GIPC2: variants seen among roughly 807,000 people sequenced by gnomAD.
GIPC2 encodes the protein PDZ domain-containing protein GIPC2.
In GIPC2, 30 loss-of-function variants were observed where a neutral mutation model predicts 30.6. That is an observed-to-expected ratio of 0.98 (90% CI 0.73 to 1.33). The LOEUF (loss-of-function observed/expected upper bound fraction) is 1.33, where lower values mean the gene tolerates loss of function less well. GIPC2 is among the 40% of genes most tolerant of loss of function. The pLI, the probability that GIPC2 is intolerant of heterozygous loss-of-function variation, is 0.00. For missense variants in GIPC2, 414 were observed against 390.3 expected (o/e 1.06, Z -0.51); for synonymous variants, 167 against 150.0 (o/e 1.11, Z -0.83).
intron 1 of GIPC2, among the ~76,000 whole-genome samples, chr1:78,063,110 AAT>A (rs919420201): frequency 2.6e-5 from 4 of 152,214 alleles, no homozygotes; most frequent in African/African-American, 9.6e-5. Context: ...GATTTTAAAC[AAT>A]GTTTTCTACC....
chr1:78,122,712 A>C (rs1422212672), intron 4 of GIPC2, among the ~76,000 whole-genome samples: 1 of 152,242 alleles, frequency 6.6e-6, no homozygotes, highest in Non-Finnish European at 1.5e-5. Flanking sequence ...TTGGGTGGGC[A>C]CACAGAGCCA....
At chr1:78,046,368 T>TCCGCCGCGCCGCGCC in intron 1 of GIPC2, 34 bp downstream of exon 1, 2 of 1,557,742 alleles carry the variant, frequency 1.3e-6, no homozygotes, top group Non-Finnish European at 1.8e-6. Context: ...CTCCCGCCTC[T>TCCGCCGCGCCGCGCC]CCGCCGCGCC....
At chr1:78,106,378 T>C (rs1251380352) in intron 3 of GIPC2, among the ~76,000 whole-genome samples, 1 of 151,786 alleles carries the variant, frequency 6.6e-6, no homozygotes, top group Non-Finnish European at 1.5e-5. Flanking sequence ...GCGAACACTG[T>C]TAAACACCAT....
At position 78,045,985 on chromosome 1, in the gene GIPC2, A is replaced by G; in HGVS notation, c.-110A>G. The G allele has an allele frequency of 4.3e-6, 6 of 1,381,362 alleles. 1 individual carries two copies. In the South Asian group the frequency reaches 5.1e-5, roughly 12 times the overall value. 85.6% of individuals were successfully genotyped at this position (1,381,362 alleles called of 1,614,324 possible). Reference sequence around the variant, plus strand: ...GCAGCCAGGCGGAAGCGCGGCTGCCATTGGAGGCTGCTTTTACCTGCGCGG... The same window carrying G: ...GCAGCCAGGCGGAAGCGCGGCTGCCGTTGGAGGCTGCTTTTACCTGCGCGG... On this transcript the variant is annotated 5_prime_UTR_variant, in exon 1 of 6. Coordinates refer to ENST00000370759, the MANE Select transcript of GIPC2 (RefSeq NM_017655.6).
rs1442328336 is a variant in GIPC2, at chr1:78,138,006, T to TTC, written c.*2264_*2265insCT. The TTC allele has an allele frequency of 2.9e-5, 4 of 139,632 alleles. No individual in the cohort carries two copies. The highest frequency in any genetic ancestry group is 6.3e-5 in the Non-Finnish European group (4 of 63,488). The allele number at this position is 139,632 out of a possible 1,614,324, so 8.6% of individuals were successfully genotyped here. On this transcript the variant is annotated 3_prime_UTR_variant, in exon 6 of 6. Coordinates refer to ENST00000370759, the MANE Select transcript of GIPC2 (RefSeq NM_017655.6). The stretch of plus-strand genomic sequence containing the variant: ...TCCTTTTCACTTTTCTGTAGGCTTT[T>TTC]TTTTTTTAAATGGAAGATGATTATT...
At chr1:78,123,443 C>T (rs1239716007) in intron 4 of GIPC2, among the ~76,000 whole-genome samples, 3 of 151,744 alleles carry the variant, frequency 2.0e-5, no homozygotes, top group Non-Finnish European at 4.4e-5. Context: ...GGTGATGAGG[C>T]TAGAGGCATA....
At chr1:78,112,384 C>G (rs576132890) in intron 3 of GIPC2, 15 of 517,766 alleles carry the variant, frequency 2.9e-5, no homozygotes, top group Non-Finnish European at 5.0e-5. Flanking sequence ...TTGACCTTCT[C>G]TGTGTCCATA....
intron 3 of GIPC2, among the ~76,000 whole-genome samples, chr1:78,103,126 C>G (rs758873372): frequency 2.7e-4 from 41 of 152,232 alleles, no homozygotes; most frequent in Non-Finnish European, 5.7e-4. Context: ...AGCAGTCAGC[C>G]TCCAGAGCCA....
chr1:78,047,523 A>AT (rs397947260), intron 1 of GIPC2, among the ~76,000 whole-genome samples: 3,507 of 147,170 alleles, frequency 0.024, 119 homozygotes, highest in African/African-American at 0.078. Flanking sequence ...TTTATATAGG[A>AT]TTTTTTTTTT....
At chr1:78,134,876 G>A (rs114787911) in intron 5 of GIPC2, among the ~76,000 whole-genome samples, 2,111 of 152,192 alleles carry the variant, frequency 0.014, 23 homozygotes, top group Non-Finnish European at 0.023. Flanking sequence ...GTGCTGAGTG[G>A]AAATCCACTG....
At chr1:78,112,324 A>G (rs1662480271) in intron 3 of GIPC2, among the ~76,000 whole-genome samples, 1 of 152,178 alleles carries the variant, frequency 6.6e-6, no homozygotes, top group Non-Finnish European at 1.5e-5. Flanking sequence ...AGATGTTCTC[A>G]AGGGCTTCAC....
chr1:78,092,520 T>C (rs186300470), intron 2 of GIPC2, among the ~76,000 whole-genome samples: 241 of 152,328 alleles, frequency 1.6e-3, no homozygotes, highest in African/African-American at 5.6e-3. Flanking sequence ...TTCCTTTGCA[T>C]CTGATTAGTG....
chr1:78,054,748 C>G (rs1196752744), intron 1 of GIPC2, among the ~76,000 whole-genome samples: 1 of 152,108 alleles, frequency 6.6e-6, no homozygotes, highest in Admixed American at 6.5e-5. Context: ...GGAGGAGAAT[C>G]CAACCAGCTG....
At chr1:78,096,694 GCCTTATGTA>G (rs1360386823) in intron 3 of GIPC2, among the ~76,000 whole-genome samples, 6 of 152,242 alleles carry the variant, frequency 3.9e-5, no homozygotes, top group Non-Finnish European at 7.4e-5. Flanking sequence ...ATACTTCACT[GCCTTATGTA>G]CCTAACTACT....
chr1:78,098,541 G>A (rs1205088348), intron 3 of GIPC2, among the ~76,000 whole-genome samples: 1 of 152,086 alleles, frequency 6.6e-6, no homozygotes, highest in African/African-American at 2.4e-5. Flanking sequence ...GGTACTCTGT[G>A]TGGCATAGAA....
In GIPC2 at chr1:78,046,015, C is replaced by T. The variant is rs575046773; in HGVS notation, c.-80C>T. On this transcript the variant is annotated 5_prime_UTR_variant, in exon 1 of 6. Coordinates refer to ENST00000370759, the MANE Select transcript of GIPC2 (RefSeq NM_017655.6). ...AGGCTGCTTTTACCTGCGCGGGGCC[C>T]GGGGCGCAAAGTCCGAGGCGCCGGG... is the stretch of plus-strand genomic sequence containing the variant. The T allele has an allele frequency of 1.1e-5, 15 of 1,395,574 alleles. No homozygotes were observed. The highest frequency in any genetic ancestry group is 1.4e-5 in the Non-Finnish European group (15 of 1,077,686). 86.4% of individuals were successfully genotyped at this position (1,395,574 alleles called of 1,614,324 possible). A position where few individuals can be genotyped will look rare whatever the true frequency, so the allele number is the denominator to read the frequency against.
chr1:78,052,798 T>G (rs962772171), intron 1 of GIPC2, among the ~76,000 whole-genome samples: 1 of 152,200 alleles, frequency 6.6e-6, no homozygotes, highest in South Asian at 2.1e-4. Context: ...TTCCTGAGGC[T>G]TCCCAGAAGC....
intron 2 of GIPC2, among the ~76,000 whole-genome samples, chr1:78,083,126 A>G (rs918647397): frequency 2.0e-5 from 3 of 152,020 alleles, no homozygotes; most frequent in Admixed American, 2.0e-4. Flanking sequence ...AATTGTGTTC[A>G]TTATTTTCCC....
At position 78,129,722 on chromosome 1, in the gene GIPC2, C is replaced by T. The variant is rs572458395; in HGVS notation, c.796+3760C>T. ...TTAAGCGTTCTAAAAGATGCTGAGTCCTATAAGACCTCACATGGTCTTGAC... is the reference window on the plus strand; with the variant it reads ...TTAAGCGTTCTAAAAGATGCTGAGTTCTATAAGACCTCACATGGTCTTGAC... On this transcript the variant is annotated intron_variant, in intron 5 of 5. Transcript: ENST00000370759. Among the ~76,000 whole-genome samples the T allele has an allele frequency of 3.9e-5, 6 of 152,262 alleles. No individual in the cohort carries two copies. The South Asian group carries it at 1.2e-3, about 32-fold the overall frequency.
Sources: allele counts gnomAD v4.1 joint callset (sites outside exome capture counted in the v4.1 genomes callset), GRCh38; gene constraint gnomAD v4.1.1; transcripts MANE v1.5; gene names NCBI Gene and HGNC (gene_info 2026-07-23, HGNC 2026-07-21).